The following NXPE2 variants were observed in gnomAD, a reference collection of about 807,000 sequenced individuals.
The protein encoded by NXPE2 is NXPE family member 2.
Under a neutral mutation model 34.4 loss-of-function variants are expected in NXPE2, and 34 were observed. That is an observed-to-expected ratio of 0.99 (90% CI 0.75 to 1.31). The LOEUF is 1.31. Ranked by LOEUF, NXPE2 falls within the 40% of genes most tolerant of loss-of-function variation. NXPE2 has a pLI of 0.00. For synonymous variants in NXPE2, 235 were observed against 231.3 expected, an observed-to-expected ratio of 1.02 and a Z score of -0.15; for missense variants, 649 against 672.5, an observed-to-expected ratio of 0.97 and a Z score of 0.39.
the NXPE2 span, among the ~76,000 whole-genome samples, chr11:114,572,335 C>A: frequency 0.21 from 31,592 of 152,066 alleles, 4,339 homozygotes; most frequent in African/African-American, 0.38. Flanking sequence ...AAAGACCATA[C>A]CAGTTCACCA....
chr11:114,729,911 G>A, the NXPE2 span, among the ~76,000 whole-genome samples: 3 of 152,034 alleles, frequency 2.0e-5, no homozygotes, highest in Non-Finnish European at 2.9e-5. Flanking sequence ...AGTTTAATTA[G>A]GTCCCACTTG....
At chr11:114,582,675 A>G in the NXPE2 span, 1 of 1,614,170 alleles carries the variant, frequency 6.2e-7, no homozygotes, top group Non-Finnish European at 8.5e-7. Context: ...AGCACCTGCC[A>G]TCAGCGCTGG....
chr11:114,751,142 T>C, the NXPE2 span, among the ~76,000 whole-genome samples: 1 of 152,184 alleles, frequency 6.6e-6, no homozygotes. Context: ...GGGCTTTTTA[T>C]TGCCTCATAT....
chr11:114,496,185 CAG>C, the NXPE2 span, among the ~76,000 whole-genome samples: 1 of 152,186 alleles, frequency 6.6e-6, no homozygotes, highest in Non-Finnish European at 1.5e-5. Context: ...TGCTGGAACT[CAG>C]GTCCTTATTT....
chr11:114,571,937 CAACG>C, the NXPE2 span, among the ~76,000 whole-genome samples: 2 of 152,192 alleles, frequency 1.3e-5, no homozygotes, highest in African/African-American at 4.8e-5. Flanking sequence ...GGCTGGAGGC[CAACG>C]AACACAAAAC....
At chr11:114,794,287 T>C in the NXPE2 span, among the ~76,000 whole-genome samples, 2 of 152,142 alleles carry the variant, frequency 1.3e-5, no homozygotes, top group African/African-American at 4.8e-5. Context: ...ACTTCTTGGC[T>C]CTCATTCTAG....
the NXPE2 span, chr11:114,582,462 C>T: frequency 6.2e-7 from 1 of 1,614,180 alleles, no homozygotes; most frequent in Non-Finnish European, 8.5e-7. Context: ...GATCAGGCCA[C>T]ATTCAGAGTG....
chr11:114,800,539 A>T, the NXPE2 span, among the ~76,000 whole-genome samples: 1 of 152,206 alleles, frequency 6.6e-6, no homozygotes, highest in Non-Finnish European at 1.5e-5. Flanking sequence ...GTTTCTATCT[A>T]GCAAGATATC....
chr11:114,671,525 C>A, the NXPE2 span, among the ~76,000 whole-genome samples: 1 of 151,966 alleles, frequency 6.6e-6, no homozygotes, highest in African/African-American at 2.4e-5. Context: ...AATTAGAAAT[C>A]TGGAAAGCAG....
the NXPE2 span, among the ~76,000 whole-genome samples, chr11:114,626,177 G>C: frequency 6.6e-6 from 1 of 152,164 alleles, no homozygotes; most frequent in African/African-American, 2.4e-5. Context: ...GCCCACCACA[G>C]CTTAAGGAGG....
At chr11:114,753,038 A>G in the NXPE2 span, among the ~76,000 whole-genome samples, 6 of 152,202 alleles carry the variant, frequency 3.9e-5, no homozygotes, top group Admixed American at 1.3e-4. Context: ...GTGACCAAGA[A>G]AGAAAACAAG....
At chr11:114,807,785 G>A in the NXPE2 span, among the ~76,000 whole-genome samples, 2 of 151,890 alleles carry the variant, frequency 1.3e-5, no homozygotes, top group South Asian at 2.1e-4. Flanking sequence ...CAGATCAAAC[G>A]AGACAGAAAG....
the NXPE2 span, among the ~76,000 whole-genome samples, chr11:114,525,569 C>G: frequency 4.6e-5 from 7 of 152,056 alleles, no homozygotes; most frequent in Non-Finnish European, 1.0e-4. Flanking sequence ...CTTCCCCCTT[C>G]CCCCCTTACT....
At chr11:114,651,409 A>G in the NXPE2 span, among the ~76,000 whole-genome samples, 1 of 152,134 alleles carries the variant, frequency 6.6e-6, no homozygotes, top group Non-Finnish European at 1.5e-5. Context: ...TCAGGAGTGA[A>G]GCTGCAAACG....
the NXPE2 span, among the ~76,000 whole-genome samples, chr11:114,773,273 A>AC: frequency 5.4e-4 from 20 of 37,308 alleles, no homozygotes; most frequent in Non-Finnish European, 9.7e-4. Flanking sequence ...TACACAACCC[A>AC]CTCCCACCCC....
chr11:114,689,960 C>T (rs969369759), intron 2 of NXPE2, among the ~76,000 whole-genome samples: 1 of 152,102 alleles, frequency 6.6e-6, no homozygotes, highest in Admixed American at 6.6e-5. Flanking sequence ...CACCCCTTTA[C>T]TATGATCCTA....
At chr11:114,476,624 C>T in the NXPE2 span, among the ~76,000 whole-genome samples, 1 of 152,154 alleles carries the variant, frequency 6.6e-6, no homozygotes, top group African/African-American at 2.4e-5. Flanking sequence ...CAAGCACCTT[C>T]TTCACAAGGT....
chr11:114,691,021 T>C (rs977048578), intron 2 of NXPE2, among the ~76,000 whole-genome samples: 9 of 152,178 alleles, frequency 5.9e-5, no homozygotes, highest in Non-Finnish European at 1.2e-4. Context: ...AAATTTCTTT[T>C]GAATCTTGTT....
the NXPE2 span, among the ~76,000 whole-genome samples, chr11:114,780,982 C>T: frequency 6.6e-6 from 1 of 152,156 alleles, no homozygotes; most frequent in Non-Finnish European, 1.5e-5. Context: ...GCTTGCCTAT[C>T]AGGCTGAGGA....
Sources: allele counts gnomAD v4.1 joint callset (sites outside exome capture counted in the v4.1 genomes callset), GRCh38; gene constraint gnomAD v4.1.1; transcripts MANE v1.5; gene names NCBI Gene and HGNC (gene_info 2026-07-23, HGNC 2026-07-21).